AAK1: variants seen among roughly 807,000 people sequenced by gnomAD.
AAK1 encodes AP2-associated protein kinase 1.
A neutral mutation model predicts 116.0 loss-of-function variants in AAK1; 37 were observed. That is an observed-to-expected ratio of 0.32 (90% confidence interval 0.25 to 0.42). The LOEUF (loss-of-function observed/expected upper bound fraction) is 0.42, where lower values mean the gene tolerates loss of function less well. Ranked by LOEUF, AAK1 falls within the 10% of genes least tolerant of loss-of-function variation. The pLI, the probability that AAK1 is intolerant of heterozygous loss-of-function variation, is 1.00. For missense variants in AAK1, 919 were observed against 1,170.6 expected, an observed-to-expected ratio of 0.79 and a Z score of 3.14; for synonymous variants, 458 against 439.9, an observed-to-expected ratio of 1.04 and a Z score of -0.51.
chr2:69,586,665 G>A (rs1477854883), intron 2 of AAK1, among the ~76,000 whole-genome samples: 3 of 152,134 alleles, frequency 2.0e-5, no homozygotes, highest in African/African-American at 4.8e-5. Flanking sequence ...CTGGGCCTTA[G>A]TTTTCTCTCC....
chr2:69,497,850 C>T (rs1675810135), intron 16 of AAK1, among the ~76,000 whole-genome samples: 1 of 152,124 alleles, frequency 6.6e-6, no homozygotes, highest in Non-Finnish European at 1.5e-5. Flanking sequence ...CTGAGATCAC[C>T]GACTCCAGCA....
At chr2:69,587,302 C>A (rs536685276) in intron 2 of AAK1, among the ~76,000 whole-genome samples, 2 of 150,250 alleles carry the variant, frequency 1.3e-5, no homozygotes, top group African/African-American at 2.5e-5. Context: ...CACGTATATA[C>A]GCATGTATAT....
rs1674788433 is a variant in AAK1, at chr2:69,474,678, A to T, written c.*1191T>A. The T allele has an allele frequency of 1.0e-6, 1 of 985,728 alleles. No homozygotes were observed. Among genetic ancestry groups the T allele is most frequent in the African/African-American group, 1.7e-5 (1 of 57,244 alleles). 61.1% of individuals were successfully genotyped at this position (985,728 alleles called of 1,614,324 possible). On this transcript the variant is annotated 3_prime_UTR_variant, in exon 22 of 22. Coordinates refer to ENST00000409085, the MANE Select transcript of AAK1 (RefSeq NM_014911.5). ...CTTGTCAGCACACTTATTTCTGATT[A>T]TCTGAAAATAAACAACATGCTTATT...
chr2:69,512,931 T>C (rs1227556616), intron 13 of AAK1, among the ~76,000 whole-genome samples: 2 of 152,210 alleles, frequency 1.3e-5, no homozygotes, highest in African/African-American at 4.8e-5. Flanking sequence ...ATTCTTTGAT[T>C]CTTGCCCCAG....
At chr2:69,633,330 C>T (rs774897259) in intron 2 of AAK1, among the ~76,000 whole-genome samples, 3 of 151,906 alleles carry the variant, frequency 2.0e-5, no homozygotes, top group East Asian at 1.9e-4. Context: ...GTGCCAGGCA[C>T]GGTGGCTCAC....
chr2:69,641,337 C>A (rs1455932274), intron 2 of AAK1, among the ~76,000 whole-genome samples: 1 of 152,112 alleles, frequency 6.6e-6, no homozygotes, highest in Non-Finnish European at 1.5e-5. Flanking sequence ...TTCTCCACCC[C>A]ACTGCAGTTA....
intron 2 of AAK1, among the ~76,000 whole-genome samples, chr2:69,597,181 C>T (rs1260885442): frequency 2.0e-5 from 3 of 150,464 alleles, no homozygotes; most frequent in Non-Finnish European, 4.4e-5. Context: ...GAATTTCAAG[C>T]CAATCTGAGA....
At chr2:69,565,785 A>G (rs907636620) in intron 2 of AAK1, among the ~76,000 whole-genome samples, 1 of 151,540 alleles carries the variant, frequency 6.6e-6, no homozygotes, top group Non-Finnish European at 1.5e-5. Context: ...TGGGTGCACT[A>G]TTCAGGTGGG....
intron 17 of AAK1, among the ~76,000 whole-genome samples, chr2:69,490,319 G>A (rs577380217): frequency 7.9e-5 from 12 of 152,266 alleles, no homozygotes; most frequent in Non-Finnish European, 1.6e-4. Flanking sequence ...ATATACCCAA[G>A]AGAATTGAAA....
chr2:69,623,927 C>T (rs1361507780), intron 2 of AAK1, among the ~76,000 whole-genome samples: 1 of 152,052 alleles, frequency 6.6e-6, no homozygotes, highest in Non-Finnish European at 1.5e-5. Flanking sequence ...ATGTAAAGAA[C>T]TCCTATTAAG....
chr2:69,497,667 T>C (rs926284010), intron 16 of AAK1, among the ~76,000 whole-genome samples: 4 of 152,146 alleles, frequency 2.6e-5, no homozygotes, highest in Non-Finnish European at 5.9e-5. Context: ...CTCATTTTGT[T>C]TGTCAGCTGT....
Position 69,513,095 on chromosome 2 carries a change from G to A in AAK1, c.1776+1376C>T, listed in dbSNP as rs11126233. Among the ~76,000 whole-genome samples the A allele has an allele frequency of 2.0e-5, 3 of 151,828 alleles. No homozygotes were observed. The South Asian group carries it at 6.2e-4, about 31-fold the overall frequency. On this transcript the variant is annotated intron_variant, in intron 13 of 21. Coordinates refer to ENST00000409085, the MANE Select transcript of AAK1 (RefSeq NM_014911.5). ...TTTTTAAAAACTCTTTTTCCATGAA[G>A]AAGAGGAACTTTACCTCTTGTTAAA...
intron 2 of AAK1, among the ~76,000 whole-genome samples, chr2:69,595,517 T>A (rs187747138): frequency 8.3e-4 from 127 of 152,354 alleles, no homozygotes; most frequent in Admixed American, 1.7e-3. Flanking sequence ...CGCCAAAGTC[T>A]AATCTAGAGC....
intron 2 of AAK1, among the ~76,000 whole-genome samples, chr2:69,642,310 C>G (rs1163113765): frequency 6.6e-6 from 1 of 152,174 alleles, no homozygotes; most frequent in African/African-American, 2.4e-5. Context: ...GTTATCTTTG[C>G]TATAACCTGG....
At chr2:69,544,157 T>G (rs1670832861) in intron 4 of AAK1, 1 of 322,146 alleles carries the variant, frequency 3.1e-6, no homozygotes, top group African/African-American at 2.1e-5. Flanking sequence ...TTATAAAGCA[T>G]CACAAAGAAC....
chr2:69,514,484 G>A lies in AAK1; in HGVS notation c.1763C>T (p.Ala588Val). The A allele has an allele frequency of 6.5e-7, 1 of 1,546,926 alleles. No individual in the cohort carries two copies. The highest frequency in any genetic ancestry group is 1.2e-5 in the South Asian group (1 of 83,400). ...QPAAAPQPAP[A>V]QEPAIQAPVR... ...GTTGATTCTTACCGCTGGCTCCTGG[G>A]CAGGGGCTGGCTGTGGGGCTGCAGC... Residue 588 changes from alanine (A) to valine (V), a missense_variant, in exon 13 of 22, where the codon GCC becomes GTC. Physicochemically the swap from Ala to Val is moderately conservative, Grantham distance 64. Transcript: ENST00000409085.
At chr2:69,643,323 A>C in intron 1 of AAK1, 49 bp from the exon 2 acceptor site, 1 of 1,329,852 alleles carries the variant, frequency 7.5e-7, no homozygotes, top group African/African-American at 1.5e-5. Flanking sequence ...ACACGCTTAA[A>C]AATTCAACCG....
chr2:69,643,298 G>A, intron 1 of AAK1, 24 bp from the exon 2 acceptor site: 1 of 1,367,912 alleles, frequency 7.3e-7, no homozygotes, highest in East Asian at 2.8e-5. Context: ...GGAAGAAAGA[G>A]AGGATGAATC....
chr2:69,564,050 G>A (rs2105101932), intron 2 of AAK1, among the ~76,000 whole-genome samples: 1 of 152,194 alleles, frequency 6.6e-6, no homozygotes, highest in African/African-American at 2.4e-5. Context: ...AAATTAGCTG[G>A]GTGTGGTGGC....
Sources: allele counts gnomAD v4.1 joint callset (sites outside exome capture counted in the v4.1 genomes callset), GRCh38; gene constraint gnomAD v4.1.1; transcripts MANE v1.5; gene names NCBI Gene and HGNC (gene_info 2026-07-23, HGNC 2026-07-21).